Variants in TMEM217B observed in about 807,000 individuals in gnomAD.
The protein encoded by TMEM217B is putative transmembrane protein 217B.
the TMEM217B span, chr6:37,257,772 A>G: frequency 1.2e-6 from 1 of 837,416 alleles, no homozygotes; most frequent in Non-Finnish European, 1.9e-6. Context: ...AGGGGTGCCC[A>G]CATCCAAGAT....
At chr6:37,231,209 G>A in the TMEM217B span, among the ~76,000 whole-genome samples, 2,307 of 147,556 alleles carry the variant, frequency 0.016, 31 homozygotes, top group Non-Finnish European at 0.024. Context: ...ACAGGTGCAA[G>A]CCACCATGCC....
At chr6:37,229,335 GTTTTTTTTTTTTT>G in the TMEM217B span, among the ~76,000 whole-genome samples, 1 of 74,368 alleles carries the variant, frequency 1.3e-5, no homozygotes, top group Non-Finnish European at 2.3e-5. Context: ...GCAACTTTCA[GTTTTTTTTTTTTT>G]TTTTTTTTTT....
chr6:37,239,459 A>C, the TMEM217B span, among the ~76,000 whole-genome samples: 7 of 148,976 alleles, frequency 4.7e-5, no homozygotes, highest in East Asian at 1.4e-3. Flanking sequence ...TGGGTGACAG[A>C]GCAAGACTCT....
chr6:37,222,747 G>A, the TMEM217B span, among the ~76,000 whole-genome samples: 1 of 152,258 alleles, frequency 6.6e-6, no homozygotes, highest in Non-Finnish European at 1.5e-5. Flanking sequence ...CCGTAGAGCC[G>A]GAGGTGGGGT....
chr6:37,228,357 A>C, the TMEM217B span, among the ~76,000 whole-genome samples: 1 of 152,240 alleles, frequency 6.6e-6, no homozygotes, highest in Admixed American at 6.5e-5. Flanking sequence ...TTCAAACAAA[A>C]CATATTTGAG....
At chr6:37,242,834 C>T in the TMEM217B span, among the ~76,000 whole-genome samples, 1 of 152,152 alleles carries the variant, frequency 6.6e-6, no homozygotes, top group Admixed American at 6.5e-5. Context: ...AAGCTGACTG[C>T]CCCAGTGACT....
At chr6:37,218,025 A>C in the TMEM217B span, 13 of 993,726 alleles carry the variant, frequency 1.3e-5, no homozygotes, top group Non-Finnish European at 1.6e-5. Flanking sequence ...AAAGAGTGGC[A>C]GTAGGGTCTC....
the TMEM217B span, chr6:37,217,697 T>G: frequency 2.8e-5 from 28 of 985,114 alleles, no homozygotes; most frequent in Non-Finnish European, 3.4e-5. Flanking sequence ...GAAGACACAG[T>G]GGGGAAATCA....
the TMEM217B span, among the ~76,000 whole-genome samples, chr6:37,247,705 A>G: frequency 6.6e-6 from 1 of 152,068 alleles, no homozygotes; most frequent in East Asian, 1.9e-4. Flanking sequence ...CAACTACCAC[A>G]ATGGACAACA....
chr6:37,242,191 T>C, the TMEM217B span, among the ~76,000 whole-genome samples: 1 of 152,136 alleles, frequency 6.6e-6, no homozygotes, highest in Non-Finnish European at 1.5e-5. Context: ...CTGGAGACTA[T>C]GGCTTAGAGC....
At chr6:37,239,863 T>G in the TMEM217B span, among the ~76,000 whole-genome samples, 2 of 150,052 alleles carry the variant, frequency 1.3e-5, no homozygotes, top group African/African-American at 5.0e-5. Flanking sequence ...CAGACCAGCC[T>G]GGGCAACATG....
the TMEM217B span, among the ~76,000 whole-genome samples, chr6:37,257,248 A>G: frequency 6.6e-6 from 1 of 152,178 alleles, no homozygotes; most frequent in African/African-American, 2.4e-5. Flanking sequence ...ACAGAGGGAG[A>G]GGGAGACTCT....
chr6:37,257,955 G>T, the TMEM217B span: 1 of 1,614,178 alleles, frequency 6.2e-7, no homozygotes, highest in Non-Finnish European at 8.5e-7. Flanking sequence ...TGGAAGAGGA[G>T]CGCTAAGCTG....
the TMEM217B span, among the ~76,000 whole-genome samples, chr6:37,213,506 G>A: frequency 6.6e-6 from 1 of 152,220 alleles, no homozygotes; most frequent in Non-Finnish European, 1.5e-5. Flanking sequence ...GCCCAGCCTT[G>A]TCCCAAGTCA....
the TMEM217B span, among the ~76,000 whole-genome samples, chr6:37,234,349 C>T: frequency 6.6e-6 from 1 of 152,202 alleles, no homozygotes; most frequent in East Asian, 1.9e-4. Flanking sequence ...ATCCTCCTGC[C>T]TTGGCCTCCC....
the TMEM217B span, among the ~76,000 whole-genome samples, chr6:37,243,424 C>T: frequency 3.3e-5 from 5 of 152,258 alleles, no homozygotes; most frequent in South Asian, 1.0e-3. Context: ...GTCCTTCTTC[C>T]CAGTGTAATT....
At chr6:37,219,008 C>T in the TMEM217B span, 1 of 1,613,808 alleles carries the variant, frequency 6.2e-7, no homozygotes, top group Non-Finnish European at 8.5e-7. Flanking sequence ...GGCAGTCATC[C>T]CACACCACTG....
chr6:37,223,360 A>T, the TMEM217B span, among the ~76,000 whole-genome samples: 1 of 152,248 alleles, frequency 6.6e-6, no homozygotes, highest in African/African-American at 2.4e-5. Flanking sequence ...AAATCTCAAA[A>T]GCAGCCAATG....
chr6:37,232,001 A>T, the TMEM217B span, among the ~76,000 whole-genome samples: 1 of 152,098 alleles, frequency 6.6e-6, no homozygotes, highest in Non-Finnish European at 1.5e-5. Flanking sequence ...TCAAGCTTGC[A>T]TGAATCGAAT....
Sources: gnomAD v4.1 joint callset for allele counts (sites outside exome capture counted in the v4.1 genomes callset) on GRCh38, gnomAD v4.1.1 for gene constraint, MANE v1.5 for transcripts, NCBI Gene and HGNC (gene_info 2026-07-23, HGNC 2026-07-21) for gene names.